The following GPC6 variants were observed in gnomAD, a reference collection of about 807,000 sequenced individuals.
GPC6 encodes glypican-6.
A neutral mutation model predicts 55.2 loss-of-function variants in GPC6; 14 were observed. The ratio of observed to expected loss-of-function variants is 0.25; its 90% CI spans 0.17 to 0.40. The LOEUF (loss-of-function observed/expected upper bound fraction) is 0.40, where lower values mean the gene tolerates loss of function less well. GPC6 is among the 10% of genes least tolerant of loss of function. The pLI, the probability that GPC6 is intolerant of heterozygous loss-of-function variation, is 1.00. For missense variants in GPC6, 641 were observed against 708.5 expected, an observed-to-expected ratio of 0.90 and a Z score of 1.08; for synonymous variants, 278 against 259.6, an observed-to-expected ratio of 1.07 and a Z score of -0.68.
intron 4 of GPC6, among the ~76,000 whole-genome samples, chr13:94,143,692 AGACTGGGCAACATG>A (rs1195473708): frequency 6.6e-6 from 1 of 152,104 alleles, no homozygotes; most frequent in Admixed American, 6.5e-5. Context: ...GTTTGAAATG[AGACTGGGCAACATG>A]GCAAAACCCC....
At chr13:94,032,340 G>T (rs1388297265) in intron 4 of GPC6, among the ~76,000 whole-genome samples, 1 of 152,192 alleles carries the variant, frequency 6.6e-6, no homozygotes, top group African/African-American at 2.4e-5. Context: ...TCAGCTGGGG[G>T]ACTTAACTTA....
At chr13:93,899,114 C>G (rs1410034579) in intron 3 of GPC6, among the ~76,000 whole-genome samples, 1 of 151,676 alleles carries the variant, frequency 6.6e-6, no homozygotes, top group African/African-American at 2.4e-5. Context: ...TGGGCAACCA[C>G]TCAGATTTAT....
chr13:94,073,051 G>A (rs1303269237), intron 4 of GPC6, among the ~76,000 whole-genome samples: 1 of 152,142 alleles, frequency 6.6e-6, no homozygotes, highest in East Asian at 1.9e-4. Flanking sequence ...TTATGTTAGA[G>A]AGAGGCAGAG....
At chr13:93,842,422 C>T (rs1480785786) in intron 3 of GPC6, among the ~76,000 whole-genome samples, 3 of 152,128 alleles carry the variant, frequency 2.0e-5, no homozygotes, top group African/African-American at 7.2e-5. Context: ...AGTACCCTGA[C>T]ATTTTTGGCT....
intron 3 of GPC6, among the ~76,000 whole-genome samples, chr13:93,920,295 T>C (rs776665579): frequency 1.3e-5 from 2 of 152,116 alleles, no homozygotes; most frequent in Non-Finnish European, 2.9e-5. Flanking sequence ...TCCCCCAAGG[T>C]CCTGTTTCCT....
intron 1 of GPC6, among the ~76,000 whole-genome samples, chr13:93,473,065 C>T (rs541093808): frequency 6.6e-6 from 1 of 152,286 alleles, no homozygotes; most frequent in Admixed American, 6.5e-5. Context: ...AGGAAATGTG[C>T]ACCAATTGGT....
chr13:94,383,747 A>G (rs1382368312), intron 7 of GPC6, among the ~76,000 whole-genome samples: 1 of 152,172 alleles, frequency 6.6e-6, no homozygotes, highest in Non-Finnish European at 1.5e-5. Flanking sequence ...GCTGCTATAA[A>G]GAACTTCCCT....
intron 1 of GPC6, among the ~76,000 whole-genome samples, chr13:93,478,240 A>G (rs1427549678): frequency 2.0e-5 from 3 of 152,222 alleles, no homozygotes; most frequent in Non-Finnish European, 4.4e-5. Context: ...AAAGTCGTCA[A>G]TAAGACATGG....
chr13:93,817,077 C>A (rs1886879853), intron 2 of GPC6, among the ~76,000 whole-genome samples: 1 of 152,172 alleles, frequency 6.6e-6, no homozygotes, highest in African/African-American at 2.4e-5. Flanking sequence ...GGGTCTATCA[C>A]TGTAGGCACT....
At chr13:93,766,858 A>C (rs1885142921) in intron 2 of GPC6, among the ~76,000 whole-genome samples, 1 of 152,146 alleles carries the variant, frequency 6.6e-6, no homozygotes. Context: ...GCTTAAAACC[A>C]AATATATATA....
intron 2 of GPC6, among the ~76,000 whole-genome samples, chr13:93,798,504 A>G (rs1437399850): frequency 2.0e-5 from 3 of 152,184 alleles, no homozygotes. Flanking sequence ...GGCAGTGCAA[A>G]TCATGCATTT....
intron 2 of GPC6, among the ~76,000 whole-genome samples, chr13:93,754,465 G>A (rs556646146): frequency 3.9e-5 from 6 of 152,208 alleles, no homozygotes; most frequent in African/African-American, 1.4e-4. Context: ...CCAGCTAAAA[G>A]AGATAAATAA....
intron 4 of GPC6, among the ~76,000 whole-genome samples, chr13:94,065,111 A>G (rs1022946205): frequency 6.6e-6 from 1 of 151,436 alleles, no homozygotes; most frequent in African/African-American, 2.4e-5. Flanking sequence ...TTTTTTTGTG[A>G]TGTGTCACCT....
chr13:94,104,283 G>A (rs1885974763), intron 4 of GPC6, among the ~76,000 whole-genome samples: 1 of 152,044 alleles, frequency 6.6e-6, no homozygotes, highest in Admixed American at 6.6e-5. Context: ...TTTGGTTACT[G>A]TAGCCTTGAT....
At chr13:93,386,785 A>G (rs1875425310) in intron 1 of GPC6, among the ~76,000 whole-genome samples, 1 of 152,172 alleles carries the variant, frequency 6.6e-6, no homozygotes. Context: ...TGTGGGCAGG[A>G]CTGAGTTCCC....
At chr13:94,110,997 C>T (rs1886225387) in intron 4 of GPC6, among the ~76,000 whole-genome samples, 1 of 152,064 alleles carries the variant, frequency 6.6e-6, no homozygotes, top group Non-Finnish European at 1.5e-5. Flanking sequence ...ATGAGTTTTA[C>T]TTCTCCAATG....
At chr13:93,791,936 T>C (rs1051182907) in intron 2 of GPC6, among the ~76,000 whole-genome samples, 5 of 152,246 alleles carry the variant, frequency 3.3e-5, no homozygotes, top group Non-Finnish European at 5.9e-5. Flanking sequence ...TATAGTCTTA[T>C]TCCCTAAGGA....
intron 1 of GPC6, among the ~76,000 whole-genome samples, chr13:93,345,581 T>A (rs750595966): frequency 2.0e-5 from 3 of 152,172 alleles, no homozygotes; most frequent in Admixed American, 2.0e-4. Context: ...TATTTTGTAA[T>A]GTATTTGCAT....
chr13:94,065,656 G>A (rs1184776451), intron 4 of GPC6, among the ~76,000 whole-genome samples: 2 of 152,170 alleles, frequency 1.3e-5, no homozygotes, highest in East Asian at 1.9e-4. Context: ...GCAAAGGTTA[G>A]TGCTTCACTT....
Sources: allele counts gnomAD v4.1 joint callset (sites outside exome capture counted in the v4.1 genomes callset), GRCh38; gene constraint gnomAD v4.1.1; transcripts MANE v1.5; gene names NCBI Gene and HGNC (gene_info 2026-07-23, HGNC 2026-07-21).